The following PAFAH1B1 variants were observed in gnomAD, a reference collection of about 807,000 sequenced individuals.
PAFAH1B1 encodes platelet-activating factor acetylhydrolase IB subunit beta.
In PAFAH1B1, 2 loss-of-function variants were observed where a neutral mutation model predicts 57.5. The ratio of observed to expected loss-of-function variants is 0.03; its 90% CI spans 0.01 to 0.11. The LOEUF (loss-of-function observed/expected upper bound fraction) is 0.11. PAFAH1B1 is among the 10% of genes least tolerant of loss of function. The pLI is 1.00. For synonymous variants in PAFAH1B1, 152 were observed against 169.6 expected (o/e 0.90, Z 0.81); for missense variants, 257 against 512.0 (o/e 0.50, Z 4.81).
chr17:2,606,242 G>T (rs2068203044), intron 1 of PAFAH1B1, among the ~76,000 whole-genome samples: 1 of 152,116 alleles, frequency 6.6e-6, no homozygotes. Flanking sequence ...TCACAGGAGG[G>T]CTTCATGTGT....
At chr17:2,642,678 G>A (rs1307854632) in intron 2 of PAFAH1B1, among the ~76,000 whole-genome samples, 1 of 152,132 alleles carries the variant, frequency 6.6e-6, no homozygotes, top group Non-Finnish European at 1.5e-5. Flanking sequence ...CAGACATCCG[G>A]GAAAGGATTG....
At chr17:2,629,396 A>C (rs997033425) in intron 1 of PAFAH1B1, among the ~76,000 whole-genome samples, 1 of 152,076 alleles carries the variant, frequency 6.6e-6, no homozygotes, top group Non-Finnish European at 1.5e-5. Flanking sequence ...ATGTATTTGC[A>C]TGGTTTTGAA....
At chr17:2,599,410 A>C (rs538367114) in intron 1 of PAFAH1B1, among the ~76,000 whole-genome samples, 19 of 152,216 alleles carry the variant, frequency 1.2e-4, no homozygotes, top group Non-Finnish European at 2.6e-4. Context: ...TATTGCCTGC[A>C]TCATTTAAAT....
At chr17:2,626,559 C>CA (rs2068494257) in intron 1 of PAFAH1B1, among the ~76,000 whole-genome samples, 2 of 40,876 alleles carry the variant, frequency 4.9e-5, no homozygotes, top group African/African-American at 1.5e-4. Context: ...TTCTTCCCCC[C>CA]CCCCCCCCCC....
intron 2 of PAFAH1B1, among the ~76,000 whole-genome samples, chr17:2,650,007 C>G (rs1019738205): frequency 7.2e-5 from 11 of 152,250 alleles, no homozygotes; most frequent in Admixed American, 5.2e-4. Flanking sequence ...TAGAGGTGGA[C>G]TTCCTCAAGG....
intron 1 of PAFAH1B1, chr17:2,613,282 G>T: frequency 4.9e-6 from 1 of 203,708 alleles, no homozygotes; most frequent in Non-Finnish European, 1.1e-5. Context: ...GGCCACTTCA[G>T]CACAGAGGCT....
chr17:2,598,598 CTTT>C (rs753116217), intron 1 of PAFAH1B1, among the ~76,000 whole-genome samples: 1 of 140,558 alleles, frequency 7.1e-6, no homozygotes. Context: ...ACAACTATTA[CTTT>C]TTTTTTTTTT....
intron 2 of PAFAH1B1, chr17:2,639,674 G>T (rs1360674169): frequency 6.6e-6 from 1 of 151,716 alleles, no homozygotes; most frequent in Non-Finnish European, 1.5e-5. Flanking sequence ...TCGGCTCACT[G>T]CAACCTCCGC....
intron 2 of PAFAH1B1, among the ~76,000 whole-genome samples, chr17:2,655,971 T>C (rs2068931034): frequency 6.6e-6 from 1 of 152,136 alleles, no homozygotes; most frequent in African/African-American, 2.4e-5. Context: ...TCACCCAGGC[T>C]GGAGTGCAGT....
At chr17:2,627,215 T>C (rs1029281821) in intron 1 of PAFAH1B1, among the ~76,000 whole-genome samples, 1 of 152,248 alleles carries the variant, frequency 6.6e-6, no homozygotes, top group Admixed American at 6.5e-5. Flanking sequence ...CTAGAATTTT[T>C]AGTTTCAGGT....
intron 1 of PAFAH1B1, among the ~76,000 whole-genome samples, chr17:2,629,094 A>G (rs2068526079): frequency 1.3e-5 from 2 of 151,856 alleles, no homozygotes; most frequent in Non-Finnish European, 2.9e-5. Context: ...TTTCAATTTC[A>G]TTTAGTTCTG....
intron 2 of PAFAH1B1, among the ~76,000 whole-genome samples, chr17:2,648,337 A>G (rs1343746000): frequency 6.6e-6 from 1 of 152,076 alleles, no homozygotes; most frequent in Non-Finnish European, 1.5e-5. Flanking sequence ...GCCAAACCCT[A>G]TCACCAAGTA....
intron 9 of PAFAH1B1, among the ~76,000 whole-genome samples, chr17:2,679,455 TGATTGGATGGATGGATGGATGATTGGA>T (rs2069332391): frequency 6.8e-6 from 1 of 148,044 alleles, no homozygotes; most frequent in Non-Finnish European, 1.5e-5. Context: ...GATAGATGGA[TGATTGGATGGATGGATGGATGATTGGA>T]TGGATGGATG....
At chr17:2,593,588 T>TGGGGCGGCG (rs1555520013), upstream of PAFAH1B1, among the ~76,000 whole-genome samples, 2 of 135,356 alleles carry the variant, frequency 1.5e-5, no homozygotes, top group Non-Finnish European at 3.3e-5. Context: ...CTGGCGGGTC[T>TGGGGCGGCG]GGGGCGGCGG....
chr17:2,668,993 A>G (rs1031789300), intron 5 of PAFAH1B1, among the ~76,000 whole-genome samples: 1 of 152,114 alleles, frequency 6.6e-6, no homozygotes, highest in Non-Finnish European at 1.5e-5. Context: ...ATGTGTGTCA[A>G]ATTGTCAAGG....
chr17:2,629,068 T>C (rs1298977723), intron 1 of PAFAH1B1, among the ~76,000 whole-genome samples: 1 of 152,140 alleles, frequency 6.6e-6, no homozygotes, highest in African/African-American at 2.4e-5. Context: ...TTGTACTGTG[T>C]TTTTTTGTTT....
At chr17:2,609,765 C>T (rs996196182) in intron 1 of PAFAH1B1, among the ~76,000 whole-genome samples, 1 of 152,016 alleles carries the variant, frequency 6.6e-6, no homozygotes, top group Non-Finnish European at 1.5e-5. Context: ...CCGCCTAGGC[C>T]TCCCAAAGTG....
rs531303842 is a variant in PAFAH1B1 at position 2,672,164 on chromosome 17, G to A, written c.569-491G>A. On this transcript the variant is annotated intron_variant, in intron 6 of 10. Transcript: ENST00000397195. Reference sequence around the variant, plus strand: ...AGATGTGGTGGTACACACCTGTGTAGTTCCAGCTACCCGACAGGCTGAGGC... The same window carrying A: ...AGATGTGGTGGTACACACCTGTGTAATTCCAGCTACCCGACAGGCTGAGGC... 7.3e-5 allele frequency among the ~76,000 whole-genome samples: 11 copies of A among 151,666 alleles called. No homozygotes were observed. The South Asian group carries it at 1.9e-3, about 26-fold the overall frequency.
intron 1 of PAFAH1B1, among the ~76,000 whole-genome samples, chr17:2,594,895 ACT>A (rs895353365): frequency 1.3e-5 from 2 of 152,026 alleles, no homozygotes; most frequent in Non-Finnish European, 2.9e-5. Flanking sequence ...ACACATTTTG[ACT>A]CTGCACCTCT....
Sources: gnomAD v4.1 joint callset for allele counts (sites outside exome capture counted in the v4.1 genomes callset) on GRCh38, gnomAD v4.1.1 for gene constraint, MANE v1.5 for transcripts, NCBI Gene and HGNC (gene_info 2026-07-23, HGNC 2026-07-21) for gene names.